The following HIGD1B variants were observed in gnomAD, a reference collection of about 807,000 sequenced individuals.
The protein encoded by HIGD1B is HIG1 hypoxia inducible domain family member 1B, also known as HIG1 domain family member 1B.
A neutral mutation model predicts 8.8 loss-of-function variants in HIGD1B; 9 were observed. The observed-to-expected ratio is 1.02, with a 90% CI of 0.62 to 1.78. The LOEUF (loss-of-function observed/expected upper bound fraction) is 1.78. Among genes scored for constraint, HIGD1B ranks in the 40% most tolerant of loss-of-function variants. The pLI, the probability that HIGD1B is intolerant of heterozygous loss-of-function variation, is 0.00. For synonymous variants in HIGD1B, 47 were observed against 38.8 expected, an observed-to-expected ratio of 1.21 and a Z score of -0.78; for missense variants, 126 against 111.8, an observed-to-expected ratio of 1.13 and a Z score of -0.57.
chr17:44,847,409 CG>C (rs561608544), upstream of HIGD1B, among the ~76,000 whole-genome samples: 244 of 152,304 alleles, frequency 1.6e-3, no homozygotes, highest in African/African-American at 5.8e-3. Context: ...GTCCGCAGTC[CG>C]GCCTGGGCGA....
At position 44,849,401 on chromosome 17, in the gene HIGD1B, G is replaced by A. The variant is rs759955449; in HGVS notation, c.235+13G>A. On this transcript the variant is annotated intron_variant, in intron 2 of 2. Transcript: ENST00000253410. Reference sequence around the variant, plus strand: ...GCAATCATGCTAGGTGAGTAGCTTTGTGGGGTCGCAGAATGAGGGCAAAAC... The same window carrying A: ...GCAATCATGCTAGGTGAGTAGCTTTATGGGGTCGCAGAATGAGGGCAAAAC... 3 of 1,613,770 alleles carry A rather than the reference G, an allele frequency of 1.9e-6. No homozygotes were observed. Among genetic ancestry groups the A allele is most frequent in the Non-Finnish European group, 2.5e-6 (3 of 1,179,794 alleles).
chr17:44,850,398 A>T lies in HIGD1B; in HGVS notation c.*2A>T. The stretch of plus-strand genomic sequence containing the variant: ...GCACAGGATGCTGGAGAGAAGTAGG[A>T]CTCCTATAGGAGCCGGGGCTGTCCA... On this transcript the variant is annotated 3_prime_UTR_variant, in exon 3 of 3. Coordinates refer to ENST00000253410, the MANE Select transcript of HIGD1B (RefSeq NM_016438.4). 1 of 1,610,574 alleles carries T rather than the reference A, an allele frequency of 6.2e-7. No individual in the cohort carries two copies. Among genetic ancestry groups the T allele is most frequent in the Middle Eastern group, 1.7e-4 (1 of 6,052 alleles).
At chr17:44,847,116 TAC>T (rs1220180902), upstream of HIGD1B, among the ~76,000 whole-genome samples, 1 of 151,628 alleles carries the variant, frequency 6.6e-6, no homozygotes, top group Non-Finnish European at 1.5e-5. Context: ...CAGCCTGGGC[TAC>T]AGAGCGAAAC....
intron 1 of HIGD1B, 27 bp downstream of exon 1, chr17:44,848,279 GAGT>G (rs1567723532): frequency 1.2e-6 from 1 of 866,018 alleles, no homozygotes; most frequent in Non-Finnish European, 2.0e-6. Flanking sequence ...ATGGGGTGCC[GAGT>G]AGGAGGCCTT....
chr17:44,849,461 A>G, intron 2 of HIGD1B, 73 bp downstream of exon 2: 1 of 1,572,258 alleles, frequency 6.4e-7, no homozygotes, highest in Non-Finnish European at 8.7e-7. Context: ...AAGTCCCAAC[A>G]ATTAAAAGGA....
At chr17:44,849,127 C>A in intron 1 of HIGD1B, 127 bp from the exon 2 acceptor site, 2 of 1,167,102 alleles carry the variant, frequency 1.7e-6, no homozygotes, top group East Asian at 2.5e-5. Context: ...CGCCCACCCC[C>A]CGCCACCAGA....
chr17:44,850,388 G>C lies in HIGD1B; in HGVS notation c.292G>C (p.Glu98Gln). Residue 98 changes from glutamate to glutamine, a missense_variant, in exon 3 of 3, where the codon GAG becomes CAG. Coordinates refer to ENST00000253410, the MANE Select transcript of HIGD1B (RefSeq NM_016438.4). ...YVKRMAQDAG[E>Q]K Reference sequence around the variant, plus strand: ...CAAGAGGATGGCACAGGATGCTGGAGAGAAGTAGGACTCCTATAGGAGCCG... The same window carrying C: ...CAAGAGGATGGCACAGGATGCTGGACAGAAGTAGGACTCCTATAGGAGCCG... The C allele has an allele frequency of 6.2e-7, 1 of 1,612,390 alleles. No homozygotes were observed. The highest frequency in any genetic ancestry group is 8.5e-7 in the Non-Finnish European group (1 of 1,178,874).
At chr17:44,850,193 T>C in intron 2 of HIGD1B, 139 bp from the exon 3 acceptor site, 1 of 623,502 alleles carries the variant, frequency 1.6e-6, no homozygotes, top group South Asian at 2.0e-5. Flanking sequence ...AAGCAGCTGT[T>C]GGGACCTGGG....
upstream of HIGD1B, among the ~76,000 whole-genome samples, chr17:44,846,041 A>T (rs2050319748): frequency 6.6e-6 from 1 of 152,110 alleles, no homozygotes; most frequent in Admixed American, 6.5e-5. Context: ...GAGGGAGTGT[A>T]ACTTGGGGGA....
In HIGD1B at chr17:44,848,197, CTG is replaced by C. The variant is rs766510794; in HGVS notation, c.51_52del (p.Ser18Ter). On this transcript the variant is annotated frameshift_variant, in exon 1 of 3. Transcript: ENST00000253410. LOFTEE classifies it high-confidence loss of function. ...RWWVPPDDED[C>X]VSEKLLRKTR... ...GGTGGGTACCACCTGACGACGAAGACTGTGTGTCTGAGAAGCTCCTGAGGAAG... is the reference window on the plus strand; with the variant it reads ...GGTGGGTACCACCTGACGACGAAGACTGTGTCTGAGAAGCTCCTGAGGAAG... The C allele has an allele frequency of 3.2e-5, 28 of 872,832 alleles. No individual in the cohort carries two copies. The highest frequency in any genetic ancestry group is 3.3e-5 in the African/African-American group (2 of 61,332). The allele number at this position is 872,832 out of a possible 1,614,324, so 54.1% of individuals were successfully genotyped here.
upstream of HIGD1B, among the ~76,000 whole-genome samples, chr17:44,845,060 C>A (rs922154101): frequency 6.6e-6 from 1 of 151,788 alleles, no homozygotes; most frequent in African/African-American, 2.4e-5. Context: ...GAGTTGGAGA[C>A]CAGCCTGGCC....
upstream of HIGD1B, among the ~76,000 whole-genome samples, chr17:44,847,536 A>G (rs2050336067): frequency 6.6e-6 from 1 of 152,254 alleles, no homozygotes; most frequent in African/African-American, 2.4e-5. Context: ...AAAGAGATGG[A>G]CCTGGAAAAA....
chr17:44,847,403 G>A (rs1225459114), upstream of HIGD1B, among the ~76,000 whole-genome samples: 2 of 152,154 alleles, frequency 1.3e-5, no homozygotes, highest in African/African-American at 4.8e-5. Flanking sequence ...ACTGCAGTCC[G>A]CAGTCCGGCC....
chr17:44,849,516 CT>C, intron 2 of HIGD1B, 128 bp downstream of exon 2: 1 of 1,074,360 alleles, frequency 9.3e-7, no homozygotes, highest in Non-Finnish European at 1.3e-6. Context: ...AATCTCAACA[CT>C]TTGGGAGGCC....
At chr17:44,846,482 G>A (rs1276857328), upstream of HIGD1B, 1 of 152,288 alleles carries the variant, frequency 6.6e-6, no homozygotes, top group Non-Finnish European at 1.5e-5. Flanking sequence ...TCCTCCAGGA[G>A]AGGAGGGCTA....
chr17:44,845,418 G>A (rs1410598481), upstream of HIGD1B, among the ~76,000 whole-genome samples: 2 of 152,028 alleles, frequency 1.3e-5, no homozygotes, highest in Non-Finnish European at 2.9e-5. Context: ...AGTACTTTGG[G>A]AGGCCAGTTC....
chr17:44,850,351 C>T lies in HIGD1B; in HGVS notation c.255C>T (p.Tyr85=), dbSNP rs2050421819. The T allele has an allele frequency of 6.2e-7, 1 of 1,613,254 alleles. No homozygotes were observed. Among genetic ancestry groups the T allele is most frequent in the East Asian group, 2.2e-5 (1 of 44,882 alleles). The part of the protein sequence containing the change: ...AIMLGAVYTM[Y]SDYVKRMAQD... Reference sequence around the variant, plus strand: ...ACACAGGTGCTGTGTACACAATGTACAGCGATTACGTCAAGAGGATGGCAC... The same window carrying T: ...ACACAGGTGCTGTGTACACAATGTATAGCGATTACGTCAAGAGGATGGCAC... Residue 85 remains tyrosine (Y), a synonymous_variant, in exon 3 of 3, where the codon TAC becomes TAT. Transcript: ENST00000253410.
chr17:44,849,337 AT>A lies in HIGD1B; in HGVS notation c.186del (p.His63ThrfsTer16), dbSNP rs778578990. The part of the protein sequence containing the change: ...RGSTKMSIHL[I>X]HTRVAAQACA... ...TTCCACCAAGATGTCCATACACCTG[AT>A]TCACACCCGAGTGGCAGCGCAGGCC... is the stretch of plus-strand genomic sequence containing the variant. On this transcript the variant is annotated frameshift_variant, in exon 2 of 3. Coordinates refer to ENST00000253410, the MANE Select transcript of HIGD1B (RefSeq NM_016438.4). LOFTEE classifies it high-confidence loss of function. The A allele has an allele frequency of 9.9e-6, 16 of 1,614,016 alleles. No homozygotes were observed. The Admixed American group carries it at 1.0e-4, about 10-fold the overall frequency.
At position 44,849,250 on chromosome 17, in the gene HIGD1B, A is replaced by G; in HGVS notation, c.101-4A>G. ...GGCCCAGGGGCTGTGTTCTCTGCCC[A>G]CAGGCTTAGGAGGCTGCTTGGTGGT... On this transcript the variant is annotated splice_polypyrimidine_tract_variant and splice_region_variant and intron_variant, in intron 1 of 2. Coordinates refer to ENST00000253410, the MANE Select transcript of HIGD1B (RefSeq NM_016438.4). 1 of 1,613,758 alleles carries G rather than the reference A, an allele frequency of 6.2e-7. No individual in the cohort carries two copies. Among genetic ancestry groups the G allele is most frequent in the Non-Finnish European group, 8.5e-7 (1 of 1,179,886 alleles).
Sources: allele counts gnomAD v4.1 joint callset (sites outside exome capture counted in the v4.1 genomes callset), GRCh38; gene constraint gnomAD v4.1.1; transcripts MANE v1.5; gene names NCBI Gene and HGNC (gene_info 2026-07-23, HGNC 2026-07-21).